Variants in SPTAN1 observed in about 807,000 individuals in gnomAD.
SPTAN1 encodes spectrin alpha, non-erythrocytic 1.
Under a neutral mutation model 331.3 loss-of-function variants are expected in SPTAN1, and 61 were observed. The observed-to-expected ratio is 0.18, with a 90% CI of 0.15 to 0.23. SPTAN1 has a LOEUF of 0.23. Among genes scored for constraint, SPTAN1 ranks in the 10% least tolerant of loss-of-function variants. The pLI is 1.00. For synonymous variants in SPTAN1, 1,153 were observed against 1,173.9 expected, an observed-to-expected ratio of 0.98 and a Z score of 0.36; for missense variants, 2,043 against 3,147.9, an observed-to-expected ratio of 0.65 and a Z score of 8.40.
chr9:128,577,427 C>G lies in SPTAN1; in HGVS notation c.1006C>G (p.Arg336Gly). 6.2e-7 allele frequency: 1 copy of G among 1,614,164 alleles called. No individual in the cohort carries two copies. ...GAGTGCAACACAGATTCAAGTGAAG[C>G]GAGAGGAACTGATTACAAACTGGGA... ...PLSATQIQVK[R>G]EELITNWEQI... Residue 336 changes from arginine to glycine, a missense_variant, in exon 8 of 57, where the codon CGA (arginine) becomes GGA (glycine). Arg to Gly is a moderately radical substitution (Grantham distance 125). Transcript: ENST00000372739. This position sits in a 1 kb window ranked among gnomAD's most constrained non-coding sequence, Gnocchi z 4.2.
intron 3 of SPTAN1, among the ~76,000 whole-genome samples, chr9:128,574,120 A>G (rs1185229720): frequency 2.0e-5 from 3 of 152,128 alleles, no homozygotes; most frequent in African/African-American, 7.2e-5. Flanking sequence ...GATGATGCCT[A>G]TAAGACCTCT....
intron 1 of SPTAN1, among the ~76,000 whole-genome samples, chr9:128,560,632 C>CG (rs11452757): frequency 0.97 from 147,490 of 151,810 alleles, 71,798 homozygotes; most frequent in East Asian, 1. Context: ...CTGCCCGCCT[C>CG]GCCTCCCAAA....
intron 20 of SPTAN1, among the ~76,000 whole-genome samples, 174 bp from the exon 21 acceptor site, chr9:128,588,635 T>TA (rs1853000760): frequency 6.6e-6 from 1 of 152,138 alleles, no homozygotes; most frequent in Admixed American, 6.6e-5. Context: ...TTTTTAAAGA[T>TA]ACCAAAAATT....
In SPTAN1 at chr9:128,602,212, G is replaced by T. The variant is rs371745652; in HGVS notation, c.3580-1331G>T. Among the ~76,000 whole-genome samples the T allele has an allele frequency of 2.3e-3, 330 of 145,796 alleles. 7 individuals are homozygous for T. The South Asian group carries it at 0.023, about 10-fold the overall frequency. On this transcript the variant is annotated intron_variant, in intron 27 of 56. Transcript: ENST00000372739. ...CTGTTTTTTTTTTTGTTTTTTTTGG[G>T]TTTTTTTTGTTTTTTTTTTTTTGAG...
At chr9:128,623,007 T>G (rs1490660124) in intron 45 of SPTAN1, among the ~76,000 whole-genome samples, 1 of 152,096 alleles carries the variant, frequency 6.6e-6, no homozygotes, top group Non-Finnish European at 1.5e-5. Context: ...TGCCTCGGCC[T>G]CCCAAAGTGC....
chr9:128,596,147 AAT>A (rs1192415924), intron 24 of SPTAN1: 1 of 147,466 alleles, frequency 6.8e-6, no homozygotes, highest in African/African-American at 2.5e-5. Context: ...CCCGGCCCAT[AAT>A]GTTTTCCAGG....
At chr9:128,573,992 C>T (rs977177198) in intron 3 of SPTAN1, among the ~76,000 whole-genome samples, 2 of 151,942 alleles carry the variant, frequency 1.3e-5, no homozygotes, top group East Asian at 3.9e-4. Flanking sequence ...TGACCTCGTG[C>T]TCTGCCCGCC....
At chr9:128,576,073 T>C (rs547467703) in intron 5 of SPTAN1, among the ~76,000 whole-genome samples, 1 of 152,272 alleles carries the variant, frequency 6.6e-6, no homozygotes, top group East Asian at 1.9e-4. Flanking sequence ...CAGTGACAGA[T>C]GTGTTGCTTT....
intron 44 of SPTAN1, among the ~76,000 whole-genome samples, chr9:128,620,749 G>A (rs1268498864): frequency 6.6e-6 from 1 of 152,124 alleles, no homozygotes; most frequent in Non-Finnish European, 1.5e-5. Flanking sequence ...TGACTTGGAA[G>A]GCCTTTTCTG....
At position 128,626,605 on chromosome 9, in the gene SPTAN1, T is replaced by G; in HGVS notation, c.6494T>G (p.Phe2165Cys). The G allele has an allele frequency of 6.2e-7, 1 of 1,613,828 alleles. No individual in the cohort carries two copies. Among genetic ancestry groups the G allele is most frequent in the Non-Finnish European group, 8.5e-7 (1 of 1,179,924 alleles). The stretch of plus-strand genomic sequence containing the variant: ...GAGCTGGACCGCCAGATCAAGAGCT[T>G]CCGCGTAGCCTCCAACCCCTACACC... The part of the protein sequence containing the change: ...LAELDRQIKS[F>C]RVASNPYTWF... The change falls in exon 49 of 57, where the codon TTC becomes TGC. Residue 2165 changes from phenylalanine to cysteine, a missense_variant. Physicochemically the swap from Phe to Cys is radical, Grantham distance 205. Coordinates refer to ENST00000372739, the MANE Select transcript of SPTAN1 (RefSeq NM_001130438.3).
intron 18 of SPTAN1, 67 bp downstream of exon 18, chr9:128,584,910 A>G (rs1852386120): frequency 1.9e-6 from 3 of 1,603,436 alleles, no homozygotes; most frequent in Non-Finnish European, 2.6e-6. Flanking sequence ...TGCCGAGGGC[A>G]TGGCCACGTG....
At chr9:128,597,092 G>A (rs1008443263) in intron 24 of SPTAN1, among the ~76,000 whole-genome samples, 5 of 152,130 alleles carry the variant, frequency 3.3e-5, no homozygotes, top group African/African-American at 9.7e-5. Flanking sequence ...CCCGGGAGGC[G>A]GAGGTTGCAG....
chr9:128,609,270 C>T lies in SPTAN1; in HGVS notation c.4744C>T (p.Pro1582Ser), dbSNP rs749218036. The T allele has an allele frequency of 6.2e-7, 1 of 1,614,218 alleles. No individual in the cohort carries two copies. The highest frequency in any genetic ancestry group is 8.5e-7 in the Non-Finnish European group (1 of 1,180,046). ...AGCGAGTGATGAGTCGTACAAGGAT[C>T]CCACCAACATCCAGGTAAGCTGAAG... ...QTASDESYKD[P>S]TNIQLSKLLS... Residue 1582 changes from proline (P) to serine (S), a missense_variant, in exon 36 of 57, where the codon CCC (proline) becomes TCC (serine). Pro to Ser is a moderately conservative substitution (Grantham distance 74). Around this residue, in one of 12 missense-constraint regions of SPTAN1, gnomAD observed 323 missense variants for 581.1 expected, o/e 0.56. Transcript: ENST00000372739.
intron 31 of SPTAN1, 81 bp downstream of exon 31, chr9:128,605,558 G>T: frequency 1.2e-5 from 19 of 1,544,660 alleles, no homozygotes; most frequent in Non-Finnish European, 1.7e-5. Context: ...AATAGTACAT[G>T]CTCAGCAGGG....
chr9:128,576,100 T>C (rs1429169588), intron 5 of SPTAN1, among the ~76,000 whole-genome samples: 2 of 152,186 alleles, frequency 1.3e-5, no homozygotes, highest in African/African-American at 4.8e-5. Flanking sequence ...CCCTAAGCTT[T>C]CCTGCGGTTG....
chr9:128,583,725 T>C (rs1852226068), intron 15 of SPTAN1, 63 bp from the exon 16 acceptor site: 2 of 1,550,566 alleles, frequency 1.3e-6, no homozygotes, highest in South Asian at 1.1e-5. Context: ...CTACTGTTCA[T>C]GGGCAGTGTT....
At chr9:128,592,515 C>T (rs766158980) in intron 22 of SPTAN1, among the ~76,000 whole-genome samples, 4 of 152,186 alleles carry the variant, frequency 2.6e-5, no homozygotes, top group African/African-American at 4.8e-5. Flanking sequence ...CCTCGTGATC[C>T]GCCCGCCTTG....
At chr9:128,597,219 C>T (rs1182590986) in intron 24 of SPTAN1, among the ~76,000 whole-genome samples, 2 of 152,118 alleles carry the variant, frequency 1.3e-5, no homozygotes, top group African/African-American at 4.8e-5. Context: ...TTATGTTGCC[C>T]TAAGCTGGTC....
intron 24 of SPTAN1, among the ~76,000 whole-genome samples, chr9:128,594,804 C>CTTTTTTTTTTTTTTTTTTTT (rs10594067): frequency 1.1e-5 from 1 of 90,560 alleles, no homozygotes; most frequent in African/African-American, 4.0e-5. Context: ...ATGTATGTAG[C>CTTTTTTTTTTTTTTTTTTTT]TTTTTTTTTT....
Sources: gnomAD v4.1 joint callset for allele counts (sites outside exome capture counted in the v4.1 genomes callset) on GRCh38, gnomAD v4.1.1 for gene constraint, gnomAD v4.1.1 regional missense constraint, Gnocchi (gnomAD v3.1) non-coding constraint, MANE v1.5 for transcripts, NCBI Gene and HGNC (gene_info 2026-07-23, HGNC 2026-07-21) for gene names.